Variants in IGSF11 observed in about 807,000 individuals in gnomAD.
IGSF11 encodes CXADR like 1.
A neutral mutation model predicts 41.0 loss-of-function variants in IGSF11; 22 were observed. The observed-to-expected ratio is 0.54, with a 90% CI of 0.38 to 0.77. The LOEUF is 0.77. IGSF11 is among the 30% of genes least tolerant of loss of function. The pLI is 0.00. For synonymous variants in IGSF11, 219 were observed against 201.3 expected, an observed-to-expected ratio of 1.09 and a Z score of -0.74; for missense variants, 444 against 530.8, an observed-to-expected ratio of 0.84 and a Z score of 1.61.
rs2076413076 is a variant in IGSF11 at position 119,072,301 on chromosome 3, A to G, written c.49+32843T>C. On this transcript the variant is annotated intron_variant, in intron 1 of 6. Coordinates refer to the IGSF11 transcript ENST00000354673. ...TCCCCAAATCAGAGCAGTACTAAAC[A>G]GCAAAGTTGAGATTTGAACTCAGAT... is the stretch of plus-strand genomic sequence containing the variant. Among the ~76,000 whole-genome samples, 3 of 152,234 alleles carry G rather than the reference A, an allele frequency of 2.0e-5. No homozygotes were observed. In the South Asian group the frequency reaches 6.2e-4, roughly 31 times the overall value.
chr3:119,066,167 A>C (rs1489070067), intron 1 of IGSF11, among the ~76,000 whole-genome samples: 1 of 152,154 alleles, frequency 6.6e-6, no homozygotes, highest in African/African-American at 2.4e-5. Context: ...GACAACAGTT[A>C]GGGCCCACCT....
rs1269972037 is a variant in IGSF11 at position 119,006,378 on chromosome 3, A to ATTT, written c.52+28152_52+28153insAAA. On this transcript the variant is annotated intron_variant, in intron 1 of 6. Coordinates refer to ENST00000393775, the MANE Select transcript of IGSF11 (RefSeq NM_001015887.3). ...TTATACATTCTTCTAAATTTTTTTC[A>ATTT]AAGTTTTCCACTTCTTTGCCTTTGG... Among the ~76,000 whole-genome samples the ATTT allele has an allele frequency of 3.3e-5, 3 of 91,066 alleles. No individual in the cohort carries two copies. In the East Asian group the frequency reaches 8.5e-4, roughly 26 times the overall value. 59.7% of individuals were successfully genotyped at this position (91,066 alleles called of 152,430 possible). A position where few individuals can be genotyped will look rare whatever the true frequency, so the allele number is the denominator to read the frequency against.
chr3:118,926,326 A>AAC, intron 3 of IGSF11, 70 bp from the exon 4 acceptor site: 1 of 1,257,356 alleles, frequency 8.0e-7, no homozygotes, highest in Non-Finnish European at 1.1e-6. Flanking sequence ...AGGAGACATC[A>AAC]ACATTCAGTA....
At chr3:119,130,857 T>C (rs1178749078) in intron 1 of IGSF11, among the ~76,000 whole-genome samples, 1 of 151,760 alleles carries the variant, frequency 6.6e-6, no homozygotes. Flanking sequence ...AAGCAATATT[T>C]GCTGTTCTGC....
In IGSF11 at chr3:119,054,056, T is replaced by C. The variant is rs142237753; in HGVS notation, c.49+51088A>G. ...GACTTGAATCCAAGACCTGAAATCA[T>C]AAAAATTCTAAAATATAACATCATA... On this transcript the variant is annotated intron_variant, in intron 1 of 6. Coordinates refer to the IGSF11 transcript ENST00000354673. 3.5e-4 allele frequency among the ~76,000 whole-genome samples: 53 copies of C among 152,272 alleles called. No homozygotes were observed. The East Asian group carries it at 9.8e-3, about 28-fold the overall frequency.
Position 118,916,107 on chromosome 3 carries a change from C to T in IGSF11, c.580+9994G>A, listed in dbSNP as rs1054823864. ...GCCCTAAAAGAGCTCCTGAAGGAAG[C>T]GCTAAACATGGAAAGGAACAACCGG... On this transcript the variant is annotated intron_variant, in intron 4 of 6. Transcript: ENST00000393775. 1.3e-4 allele frequency among the ~76,000 whole-genome samples: 19 copies of T among 149,688 alleles called. 1 individual carries two copies. The highest frequency in any genetic ancestry group is 7.8e-4 in the East Asian group (4 of 5,108).
At chr3:118,964,327 A>G (rs1945530894) in intron 1 of IGSF11, among the ~76,000 whole-genome samples, 1 of 152,190 alleles carries the variant, frequency 6.6e-6, no homozygotes, top group South Asian at 2.1e-4. Context: ...AGCGTTCCAT[A>G]GACAGTTAAC....
chr3:119,004,712 C>T (rs1937296549), intron 1 of IGSF11, among the ~76,000 whole-genome samples: 4 of 147,994 alleles, frequency 2.7e-5, no homozygotes, highest in African/African-American at 7.6e-5. Flanking sequence ...GCCTTCATTT[C>T]GTTATGTACC....
intron 1 of IGSF11, among the ~76,000 whole-genome samples, chr3:119,086,694 T>G (rs2076680629): frequency 6.6e-6 from 1 of 152,168 alleles, no homozygotes; most frequent in South Asian, 2.1e-4. Context: ...AGAAATAAAA[T>G]TCTGCCAGGA....
chr3:119,123,224 C>T (rs1274784212), intron 1 of IGSF11, among the ~76,000 whole-genome samples: 9 of 152,152 alleles, frequency 5.9e-5, no homozygotes, highest in East Asian at 1.9e-4. Flanking sequence ...TTTCCGTGGG[C>T]CTGTGGTGGT....
chr3:119,137,651 T>G (rs2077581096), intron 1 of IGSF11, among the ~76,000 whole-genome samples: 1 of 152,174 alleles, frequency 6.6e-6, no homozygotes, highest in African/African-American at 2.4e-5. Flanking sequence ...TACATTGGGC[T>G]GAGCAGAGTT....
At chr3:119,018,931 C>CA (rs112269320) in intron 1 of IGSF11, among the ~76,000 whole-genome samples, 3 of 152,344 alleles carry the variant, frequency 2.0e-5, no homozygotes, top group African/African-American at 4.8e-5. Flanking sequence ...AGAAACTATT[C>CA]AACTCCAGTG....
chr3:119,046,831 G>A (rs1270773093), intron 1 of IGSF11, among the ~76,000 whole-genome samples: 1 of 149,672 alleles, frequency 6.7e-6, no homozygotes, highest in South Asian at 2.1e-4. Context: ...AAGAGAGTGG[G>A]GGCCAATATT....
intron 4 of IGSF11, among the ~76,000 whole-genome samples, chr3:118,908,782 T>C (rs1210109114): frequency 1.3e-5 from 2 of 152,202 alleles, no homozygotes; most frequent in East Asian, 3.9e-4. Flanking sequence ...TCCAGTTCCA[T>C]CCTTTCTCCT....
chr3:119,045,269 G>A (rs984860534), intron 1 of IGSF11, among the ~76,000 whole-genome samples: 19 of 152,328 alleles, frequency 1.2e-4, no homozygotes, highest in South Asian at 2.1e-4. Context: ...GACAGTGGGC[G>A]CAGGTCAGTG....
At chr3:119,040,989 G>A (rs1052553454) in intron 1 of IGSF11, among the ~76,000 whole-genome samples, 1 of 152,138 alleles carries the variant, frequency 6.6e-6, no homozygotes, top group South Asian at 2.1e-4. Context: ...TCTGTAAAAT[G>A]CAGCTAGAGT....
intron 1 of IGSF11, among the ~76,000 whole-genome samples, chr3:119,136,565 T>C (rs2077565248): frequency 6.6e-6 from 1 of 151,788 alleles, no homozygotes; most frequent in African/African-American, 2.4e-5. Flanking sequence ...ACAAAAACTA[T>C]AAAAAGAGAC....
intron 1 of IGSF11, among the ~76,000 whole-genome samples, chr3:119,090,178 T>C (rs1198627860): frequency 2.0e-5 from 3 of 152,014 alleles, no homozygotes; most frequent in African/African-American, 7.2e-5. Flanking sequence ...CCTAGGAATA[T>C]AGCTAACCAA....
Position 118,963,423 on chromosome 3 carries a change from A to C in IGSF11, c.53-33148T>G, listed in dbSNP as rs186539728. On this transcript the variant is annotated intron_variant, in intron 1 of 6. Coordinates refer to ENST00000393775, the MANE Select transcript of IGSF11 (RefSeq NM_001015887.3). ...TGATAAACATGCAATAATCAGAAGC[A>C]CTGAGGGCAGAAATAATACTTTTTA... Among the ~76,000 whole-genome samples, 112 of 152,310 alleles carry C rather than the reference A, an allele frequency of 7.4e-4. 1 individual carries two copies. The highest frequency in any genetic ancestry group is 5.9e-3 in the Admixed American group (90 of 15,292).
Sources: gnomAD v4.1 joint callset for allele counts (sites outside exome capture counted in the v4.1 genomes callset) on GRCh38, gnomAD v4.1.1 for gene constraint, MANE v1.5 for transcripts, NCBI Gene and HGNC (gene_info 2026-07-23, HGNC 2026-07-21) for gene names.